Variants in FAM20C observed in about 807,000 individuals in gnomAD.
FAM20C encodes the protein FAM20C golgi associated secretory pathway kinase, also known as extracellular serine/threonine protein kinase FAM20C.
A neutral mutation model predicts 51.5 loss-of-function variants in FAM20C; 40 were observed. The ratio of observed to expected loss-of-function variants is 0.78; its 90% confidence interval spans 0.60 to 1.01. The LOEUF is 1.01. Ranked by LOEUF, FAM20C falls within the 50% of genes least tolerant of loss-of-function variation. FAM20C has a pLI of 0.00. For missense variants in FAM20C, 861 were observed against 844.7 expected (o/e 1.02, Z -0.24); for synonymous variants, 406 against 380.6 (o/e 1.07, Z -0.78).
intron 3 of FAM20C, chr7:229,159 C>A (rs1787564451): frequency 6.9e-6 from 2 of 288,578 alleles, no homozygotes; most frequent in East Asian, 1.6e-4. Flanking sequence ...CCTTCAGCAC[C>A]TCCGGGTTTG....
rs570988860 is a variant in FAM20C at position 256,744 on chromosome 7, G to C, written c.1344G>C (p.Thr448=). The change falls in exon 7 of 10, where the codon ACG becomes ACC. Residue 448 remains threonine, a synonymous_variant. Transcript: ENST00000313766. Reference sequence around the variant, plus strand: ...GCATCCTGGACGTCATGGACATGACGATCTTCGACTTCCTCATGGGTACGT... The same window carrying C: ...GCATCCTGGACGTCATGGACATGACCATCTTCGACTTCCTCATGGGTACGT... The part of the protein sequence containing the change: ...SHRILDVMDM[T]IFDFLMGNMD... The C allele has an allele frequency of 6.5e-7, 1 of 1,536,136 alleles. No homozygotes were observed. The highest frequency in any genetic ancestry group is 1.2e-5 in the South Asian group (1 of 84,056).
Position 243,093 on chromosome 7 carries a change from G to A in FAM20C, c.864-3322G>A, listed in dbSNP as rs551885328. On this transcript the variant is annotated intron_variant, in intron 3 of 9. Transcript: ENST00000313766. ...GAGACCTGTGCCACCCAAGAGACCT[G>A]TGCCACCCGGGAGACCTGTGCCACC... Among the ~76,000 whole-genome samples, 29 of 132,972 alleles carry A rather than the reference G, an allele frequency of 2.2e-4. No individual in the cohort carries two copies. In the East Asian group the frequency reaches 5.8e-3, roughly 27 times the overall value. 87.2% of individuals were successfully genotyped at this position (132,972 alleles called of 152,430 possible).
At chr7:257,202 A>T (rs1279567441) in intron 8 of FAM20C, 116 bp downstream of exon 8, 3 of 1,048,358 alleles carry the variant, frequency 2.9e-6, no homozygotes, top group African/African-American at 3.2e-5. Flanking sequence ...GAGGGATGGG[A>T]ATGTCGCAAA....
chr7:214,664 G>A (rs534087750), intron 3 of FAM20C, among the ~76,000 whole-genome samples: 1 of 152,302 alleles, frequency 6.6e-6, no homozygotes, highest in Non-Finnish European at 1.5e-5. Context: ...CAACAAGGGC[G>A]TTGGAAGAAG....
At chr7:248,789 C>T (rs926927982) in intron 5 of FAM20C, among the ~76,000 whole-genome samples, 15 of 149,696 alleles carry the variant, frequency 1.0e-4, no homozygotes, top group Admixed American at 8.0e-4. Flanking sequence ...ACATTCATCT[C>T]GCCAGGTAGC....
At chr7:235,872 T>C (rs1787833022) in intron 3 of FAM20C, among the ~76,000 whole-genome samples, 1 of 152,224 alleles carries the variant, frequency 6.6e-6, no homozygotes, top group South Asian at 2.1e-4. Context: ...GGACTGACCA[T>C]TCCTGTTCCA....
intron 5 of FAM20C, among the ~76,000 whole-genome samples, chr7:249,959 C>A (rs1788333842): frequency 6.6e-6 from 1 of 152,174 alleles, no homozygotes; most frequent in African/African-American, 2.4e-5. Flanking sequence ...ATGGTGGGCC[C>A]TGCAGAATGA....
At chr7:224,256 G>GA (rs765940748) in intron 3 of FAM20C, among the ~76,000 whole-genome samples, 1 of 63,480 alleles carries the variant, frequency 1.6e-5, no homozygotes, top group African/African-American at 5.2e-5. Context: ...CTGTCACGGG[G>GA]TCGCATGGCG....
In FAM20C at chr7:255,969, C is replaced by A; in HGVS notation, c.1193C>A (p.Ala398Asp). ...GCCTTCCTGCCCGACCTGTCCCTGG[C>A]CAAGAGGAAGACCTGGCGGAACCCT... ...LAAFLPDLSL[A>D]KRKTWRNPWR... Residue 398 changes from alanine to aspartate, a missense_variant, in exon 6 of 10, where the codon GCC (alanine) becomes GAC (aspartate). By Grantham distance (126) the Ala-to-Asp change is moderately radical (BLOSUM62 -2). Transcript: ENST00000313766. 3.3e-6 allele frequency: 5 copies of A among 1,536,222 alleles called. No homozygotes were observed. The South Asian group carries it at 4.8e-5, about 15-fold the overall frequency.
chr7:206,456 C>T (rs1786386590), intron 2 of FAM20C, among the ~76,000 whole-genome samples: 1 of 152,204 alleles, frequency 6.6e-6, no homozygotes, highest in African/African-American at 2.4e-5. Context: ...CCCTCCCGTG[C>T]ACTGTGATGC....
intron 3 of FAM20C, among the ~76,000 whole-genome samples, chr7:234,122 A>G (rs931373296): frequency 0.25 from 38,106 of 152,214 alleles, 8,182 homozygotes; most frequent in African/African-American, 0.59. Context: ...CGTCCCGGCA[A>G]GTGGAGGCGT....
chr7:192,638 G>A lies in FAM20C; in HGVS notation c.-562G>A, dbSNP rs1182151623. ...GCACCTGCCCGGGACCCCGCCGGCC[G>A]CTCCCCGCGCCCACCCCTTCCGCCC... On this transcript the variant is annotated 5_prime_UTR_variant, in exon 1 of 10. Coordinates refer to ENST00000313766, the MANE Select transcript of FAM20C (RefSeq NM_020223.4). Among the ~76,000 whole-genome samples, 2 of 149,932 alleles carry A rather than the reference G, an allele frequency of 1.3e-5. No homozygotes were observed. The highest frequency in any genetic ancestry group is 2.4e-5 in the African/African-American group (1 of 41,174).
chr7:203,962 C>T (rs983827367), intron 2 of FAM20C, among the ~76,000 whole-genome samples: 4 of 152,206 alleles, frequency 2.6e-5, no homozygotes, highest in African/African-American at 4.8e-5. Flanking sequence ...CTCATCGTCA[C>T]TTCGTTATTA....
intron 5 of FAM20C, among the ~76,000 whole-genome samples, chr7:255,063 T>C (rs967633981): frequency 1.3e-5 from 2 of 152,256 alleles, no homozygotes; most frequent in Non-Finnish European, 2.9e-5. Context: ...CATTCGTGTC[T>C]GAGTTTTTGT....
At chr7:209,225 CT>C (rs1043733075) in intron 3 of FAM20C, among the ~76,000 whole-genome samples, 24 of 152,300 alleles carry the variant, frequency 1.6e-4, no homozygotes, top group African/African-American at 5.8e-4. Flanking sequence ...TATTCTTACC[CT>C]GTGAGAATAA....
intron 3 of FAM20C, among the ~76,000 whole-genome samples, chr7:213,145 G>A (rs537567717): frequency 1.5e-5 from 1 of 67,110 alleles, no homozygotes; most frequent in African/African-American, 6.4e-5. Context: ...GACATGGAGG[G>A]CTGTGGAGTC....
intron 5 of FAM20C, among the ~76,000 whole-genome samples, chr7:249,957 C>A (rs953099036): frequency 6.6e-6 from 1 of 152,102 alleles, no homozygotes; most frequent in African/African-American, 2.4e-5. Flanking sequence ...CGATGGTGGG[C>A]CCTGCAGAAT....
chr7:237,546 C>T (rs1234019202), intron 3 of FAM20C, among the ~76,000 whole-genome samples: 10 of 151,300 alleles, frequency 6.6e-5, no homozygotes, highest in East Asian at 2.0e-4. Context: ...ATGACGGTTA[C>T]GTTGGTGGTG....
In FAM20C at chr7:202,261, A is replaced by C. The variant is rs1182360509; in HGVS notation, c.784+6529A>C. On this transcript the variant is annotated intron_variant, in intron 2 of 9. Coordinates refer to ENST00000313766, the MANE Select transcript of FAM20C (RefSeq NM_020223.4). ...TGTGGACATCTTCCCGTGTGCATAG[A>C]GAGGACAGGTGGCTGCTGGGTGGGA... Among the ~76,000 whole-genome samples the C allele has an allele frequency of 6.7e-5, 10 of 149,308 alleles. No individual in the cohort carries two copies. In the East Asian group the frequency reaches 8.1e-4, roughly 12 times the overall value.
Sources: gnomAD v4.1 joint callset for allele counts (sites outside exome capture counted in the v4.1 genomes callset) on GRCh38, gnomAD v4.1.1 for gene constraint, MANE v1.5 for transcripts, NCBI Gene and HGNC (gene_info 2026-07-23, HGNC 2026-07-21) for gene names.